Variants in TDRD9 observed in about 807,000 individuals in gnomAD.
TDRD9 encodes tudor domain containing 9, also known as ATP-dependent RNA helicase TDRD9.
TDRD9 carries 124 observed loss-of-function variants against 172.6 expected under a neutral mutation model. That is an observed-to-expected ratio of 0.72 (90% CI 0.62 to 0.83). TDRD9 has a LOEUF of 0.83. TDRD9 is among the 40% of genes least tolerant of loss of function. The pLI, the probability that TDRD9 is intolerant of heterozygous loss-of-function variation, is 0.00. For synonymous variants in TDRD9, 619 were observed against 617.1 expected (o/e 1.00, Z -0.05); for missense variants, 1,479 against 1,714.1 (o/e 0.86, Z 2.42).
intron 8 of TDRD9, among the ~76,000 whole-genome samples, chr14:103,990,303 G>C (rs773609192): frequency 3.9e-5 from 6 of 152,250 alleles, no homozygotes; most frequent in African/African-American, 1.4e-4. Context: ...AGCAGCAGGA[G>C]CAGTGACCAT....
chr14:104,023,261 G>A (rs2035020892), intron 24 of TDRD9, among the ~76,000 whole-genome samples: 1 of 146,142 alleles, frequency 6.8e-6, no homozygotes, highest in African/African-American at 2.5e-5. Context: ...TGATATCATT[G>A]ATGTAATTTT....
intron 11 of TDRD9, among the ~76,000 whole-genome samples, chr14:103,994,953 CA>C (rs1373803239): frequency 2.0e-4 from 8 of 40,302 alleles, no homozygotes; most frequent in Admixed American, 3.3e-4. Context: ...TGTCTCAAAA[CA>C]AAAAAAAAAA....
intron 18 of TDRD9, 99 bp from the exon 19 acceptor site, chr14:104,007,061 A>G (rs2034463883): frequency 8.0e-7 from 1 of 1,244,408 alleles, no homozygotes; most frequent in Admixed American, 2.6e-5. Context: ...AAATTTGTAA[A>G]TTTTTATGTT....
At chr14:104,017,627 G>T (rs897696579) in intron 22 of TDRD9, among the ~76,000 whole-genome samples, 3 of 152,224 alleles carry the variant, frequency 2.0e-5, no homozygotes, top group African/African-American at 7.2e-5. Flanking sequence ...ATGGTACCTT[G>T]AGAGTTTATA....
chr14:103,935,808 A>G (rs2030725150), intron 1 of TDRD9, among the ~76,000 whole-genome samples: 1 of 152,186 alleles, frequency 6.6e-6, no homozygotes. Flanking sequence ...CTGCACACGC[A>G]TATCTTAACA....
intron 14 of TDRD9, 25 bp from the exon 15 acceptor site, chr14:104,005,249 T>A: frequency 6.2e-7 from 1 of 1,613,168 alleles, no homozygotes; most frequent in South Asian, 1.1e-5. Flanking sequence ...TTATTATTTC[T>A]AATCTCAGGC....
intron 15 of TDRD9, among the ~76,000 whole-genome samples, 155 bp downstream of exon 15, chr14:104,005,560 T>G (rs1372518913): frequency 6.6e-6 from 1 of 152,168 alleles, no homozygotes; most frequent in Non-Finnish European, 1.5e-5. Context: ...CCGCTAACTC[T>G]GTTCCTCCTG....
chr14:103,928,503 C>T lies in TDRD9; in HGVS notation c.-7C>T, dbSNP rs979961735. On this transcript the variant is annotated 5_prime_UTR_variant, in exon 1 of 36. Coordinates refer to ENST00000409874, the MANE Select transcript of TDRD9 (RefSeq NM_153046.3). ...AGTTGGGGGATGCCGACGCCTGGGC[C>T]TTGAGGATGCTGCGGAAGCTCACCA... 4.9e-6 allele frequency: 7 copies of T among 1,429,038 alleles called. No homozygotes were observed. In the Admixed American group the frequency reaches 8.1e-5, roughly 16 times the overall value. 88.5% of individuals were successfully genotyped at this position (1,429,038 alleles called of 1,614,324 possible).
chr14:103,970,118 T>C (rs1278393520), intron 5 of TDRD9, among the ~76,000 whole-genome samples: 1 of 152,188 alleles, frequency 6.6e-6, no homozygotes, highest in Non-Finnish European at 1.5e-5. Flanking sequence ...TTCCCTGTGC[T>C]TGCTTGCTCA....
At chr14:104,024,774 AC>A in intron 25 of TDRD9, 94 bp downstream of exon 25, 1 of 529,032 alleles carries the variant, frequency 1.9e-6, no homozygotes, top group East Asian at 3.1e-5. Context: ...ACACACACAC[AC>A]ACACACACAC....
chr14:104,024,411 A>G (rs1163090404), intron 24 of TDRD9, among the ~76,000 whole-genome samples, 158 bp from the exon 25 acceptor site: 1 of 152,194 alleles, frequency 6.6e-6, no homozygotes, highest in Non-Finnish European at 1.5e-5. Flanking sequence ...TTCATGTTTG[A>G]GATGAAATCA....
In TDRD9 at chr14:103,975,381, C is replaced by T. The variant is rs372350129; in HGVS notation, c.847-8C>T. ...TGTTTTATTTGAATGTTTTCTCTTA[C>T]TCTGTAGGTGGTCCTGATGTCGGCT... is the stretch of plus-strand genomic sequence containing the variant. On this transcript the variant is annotated splice_region_variant and splice_polypyrimidine_tract_variant and intron_variant, in intron 6 of 35. Coordinates refer to ENST00000409874, the MANE Select transcript of TDRD9 (RefSeq NM_153046.3). 30 of 1,609,036 alleles carry T rather than the reference C, an allele frequency of 1.9e-5. No homozygotes were observed. Among genetic ancestry groups the T allele is most frequent in the Non-Finnish European group, 2.4e-5 (28 of 1,177,320 alleles).
chr14:103,952,618 TTC>T (rs1445723465), intron 1 of TDRD9, among the ~76,000 whole-genome samples: 2 of 151,824 alleles, frequency 1.3e-5, no homozygotes, highest in African/African-American at 4.8e-5. Context: ...GATATTGAAT[TTC>T]TTTTTTTCAG....
chr14:104,045,652 G>A (rs1267186814), intron 34 of TDRD9, among the ~76,000 whole-genome samples: 4 of 152,194 alleles, frequency 2.6e-5, no homozygotes, highest in African/African-American at 9.6e-5. Context: ...AATACCCAAT[G>A]CAACAGTGTT....
chr14:103,975,268 G>A, intron 6 of TDRD9, 121 bp from the exon 7 acceptor site: 1 of 861,922 alleles, frequency 1.2e-6, no homozygotes, highest in Non-Finnish European at 1.7e-6. Flanking sequence ...AGGGTGGTCT[G>A]TTTAAAGTCT....
chr14:103,980,134 G>T lies in TDRD9; in HGVS notation c.1011+4581G>T, dbSNP rs533937360. On this transcript the variant is annotated intron_variant, in intron 7 of 35. Transcript: ENST00000409874. This position sits in a 1 kb window ranked among gnomAD's most constrained non-coding sequence, Gnocchi z 4.5. ...CTGTAGGGACCAGCCCCACAGGGTC[G>T]GTGGGTTTTTCTCCCCGTGTGCAGA... 6.6e-6 allele frequency among the ~76,000 whole-genome samples: 1 copy of T among 152,050 alleles called. No homozygotes were observed. Among genetic ancestry groups the T allele is most frequent in the African/African-American group, 2.4e-5 (1 of 41,404 alleles).
chr14:104,040,712 T>C (rs56231040), intron 33 of TDRD9, among the ~76,000 whole-genome samples: 35,063 of 152,144 alleles, frequency 0.23, 4,856 homozygotes, highest in South Asian at 0.43. Context: ...CACAAGGTCC[T>C]GCCCCTCTGC....
chr14:103,960,684 G>T (rs2032467980), intron 2 of TDRD9, among the ~76,000 whole-genome samples: 1 of 152,234 alleles, frequency 6.6e-6, no homozygotes, highest in South Asian at 2.1e-4. Flanking sequence ...TGCTGGGTCT[G>T]CTTCAGCCAG....
In TDRD9 at chr14:104,032,165, C is replaced by G. The variant is rs2035301936; in HGVS notation, c.3509+78C>G. On this transcript the variant is annotated intron_variant, in intron 30 of 35. Coordinates refer to ENST00000409874, the MANE Select transcript of TDRD9 (RefSeq NM_153046.3). Reference sequence around the variant, plus strand: ...TAGATCTCATCAGAAAATAATGTATCTTTATATCTAAACTGTTGGAATGTG... The same window carrying G: ...TAGATCTCATCAGAAAATAATGTATGTTTATATCTAAACTGTTGGAATGTG... 6 of 857,984 alleles carry G rather than the reference C, an allele frequency of 7.0e-6. No individual in the cohort carries two copies. In the Admixed American group the frequency reaches 1.1e-4, roughly 16 times the overall value. The allele number at this position is 857,984 out of a possible 1,614,324, so 53.1% of individuals were successfully genotyped here. A position where few individuals can be genotyped will look rare whatever the true frequency, so the allele number is the denominator to read the frequency against.
Sources: allele counts gnomAD v4.1 joint callset (sites outside exome capture counted in the v4.1 genomes callset), GRCh38; gene constraint gnomAD v4.1.1; non-coding constraint Gnocchi (gnomAD v3.1); transcripts MANE v1.5; gene names NCBI Gene and HGNC (gene_info 2026-07-23, HGNC 2026-07-21).